The following DNAI7 variants were observed in gnomAD, a reference collection of about 807,000 sequenced individuals.
The protein encoded by DNAI7 is dynein axonemal intermediate chain 7.
In DNAI7, 78 loss-of-function variants were observed where a neutral mutation model predicts 86.6. That is an observed-to-expected ratio of 0.90 (90% CI 0.75 to 1.09). The LOEUF is 1.09. Among genes scored for constraint, DNAI7 ranks in the 50% least tolerant of loss-of-function variants. The pLI is 0.00. For synonymous variants in DNAI7, 274 were observed against 273.0 expected (o/e 1.00, Z -0.04); for missense variants, 753 against 810.2 (o/e 0.93, Z 0.86).
intron 2 of DNAI7, among the ~76,000 whole-genome samples, chr12:25,184,436 T>G (rs915912168): frequency 1.3e-5 from 2 of 152,352 alleles, no homozygotes; most frequent in East Asian, 3.9e-4. Flanking sequence ...TCATCCATGC[T>G]ATATCATGCA....
intron 6 of DNAI7, among the ~76,000 whole-genome samples, chr12:25,150,856 GAGA>G (rs1158615009): frequency 6.6e-6 from 1 of 152,130 alleles, no homozygotes; most frequent in Non-Finnish European, 1.5e-5. Context: ...CAACAATCAG[GAGA>G]AGGAGATGGA....
chr12:25,153,633 A>G (rs1272746813), intron 6 of DNAI7, among the ~76,000 whole-genome samples: 6 of 152,158 alleles, frequency 3.9e-5, no homozygotes. Flanking sequence ...TTGCCTCCTG[A>G]TGGCCCTTTG....
At chr12:25,115,859 A>C (rs1487983461) in intron 12 of DNAI7, among the ~76,000 whole-genome samples, 1 of 152,208 alleles carries the variant, frequency 6.6e-6, no homozygotes, top group Non-Finnish European at 1.5e-5. Flanking sequence ...CTTGCATGCA[A>C]ACATTCTCTT....
At chr12:25,156,490 C>T (rs1249000545) in intron 4 of DNAI7, among the ~76,000 whole-genome samples, 4 of 152,158 alleles carry the variant, frequency 2.6e-5, no homozygotes, top group African/African-American at 7.2e-5. Context: ...CGTGGTGGCT[C>T]ACATCTGTAA....
intron 11 of DNAI7, among the ~76,000 whole-genome samples, chr12:25,120,561 A>C (rs572619328): frequency 5.5e-4 from 40 of 72,760 alleles, no homozygotes; most frequent in Middle Eastern, 0.015. Context: ...TCTCTACTAA[A>C]AATACAAAAA....
chr12:25,109,234 C>CTTGT (rs1226770496), intron 15 of DNAI7, among the ~76,000 whole-genome samples: 1 of 152,126 alleles, frequency 6.6e-6, no homozygotes, highest in Non-Finnish European at 1.5e-5. Context: ...AATACAGTGG[C>CTTGT]TTGTTTAGGC....
chr12:25,109,997 A>G, intron 15 of DNAI7, 130 bp downstream of exon 15: 1 of 600,262 alleles, frequency 1.7e-6, no homozygotes, highest in Non-Finnish European at 2.9e-6. Context: ...AAATTTTAAA[A>G]TTCCGTATTG....
chr12:25,128,250 TA>T (rs1379263852), intron 9 of DNAI7, among the ~76,000 whole-genome samples: 6 of 152,230 alleles, frequency 3.9e-5, no homozygotes, highest in African/African-American at 1.4e-4. Context: ...CATCAAAAGA[TA>T]ATTTAAATTT....
In DNAI7 at chr12:25,111,906, TTA is replaced by T; in HGVS notation, c.1643_1644del (p.Leu548GlnfsTer34). 6.3e-7 allele frequency: 1 copy of T among 1,599,696 alleles called. No individual in the cohort carries two copies. Among genetic ancestry groups the T allele is most frequent in the Non-Finnish European group, 8.5e-7 (1 of 1,174,260 alleles). ...ENLCMLSSIK[L>X]KDKKHISILE... ...AAAATAGAGATGTGTTTCTTGTCTT[TTA>T]GTTTGATTGAAGATAACATGCAGAG... On this transcript the variant is annotated frameshift_variant, in exon 14 of 16. Transcript: ENST00000395987. LOFTEE classifies it high-confidence loss of function.
intron 2 of DNAI7, among the ~76,000 whole-genome samples, chr12:25,182,971 G>GA (rs970735789): frequency 6.0e-5 from 9 of 149,238 alleles, no homozygotes; most frequent in African/African-American, 2.0e-4. Context: ...GGGAGGAAGG[G>GA]AGGAAGGGAA....
chr12:25,175,343 A>C (rs1948838068), intron 2 of DNAI7, among the ~76,000 whole-genome samples: 1 of 152,010 alleles, frequency 6.6e-6, no homozygotes, highest in Admixed American at 6.6e-5. Flanking sequence ...TTCCCATTGC[A>C]GTGGATGAAC....
At chr12:25,178,572 A>T (rs1949195800) in intron 2 of DNAI7, among the ~76,000 whole-genome samples, 1 of 152,188 alleles carries the variant, frequency 6.6e-6, no homozygotes, top group Non-Finnish European at 1.5e-5. Flanking sequence ...TGTGCCTCTT[A>T]TTTGAGATAT....
intron 2 of DNAI7, among the ~76,000 whole-genome samples, chr12:25,174,776 C>T (rs561405255): frequency 4.2e-5 from 6 of 141,806 alleles, no homozygotes; most frequent in South Asian, 2.2e-4. Context: ...GAATACTACA[C>T]GGCCATAAAA....
At chr12:25,142,793 G>A (rs1280500417) in intron 9 of DNAI7, among the ~76,000 whole-genome samples, 1 of 152,128 alleles carries the variant, frequency 6.6e-6, no homozygotes, top group African/African-American at 2.4e-5. Context: ...TTGAAACAAT[G>A]TTAAGTCCAA....
intron 11 of DNAI7, 127 bp downstream of exon 11, chr12:25,121,626 T>C: frequency 1.4e-6 from 1 of 719,472 alleles, no homozygotes; most frequent in Non-Finnish European, 2.2e-6. Context: ...TTTAAGACAG[T>C]TTAAAATTAC....
intron 2 of DNAI7, among the ~76,000 whole-genome samples, chr12:25,161,783 G>A (rs991855423): frequency 3.3e-5 from 5 of 152,118 alleles, no homozygotes; most frequent in African/African-American, 9.7e-5. Flanking sequence ...AGCATTGGAT[G>A]GACAACAAGT....
chr12:25,113,177 C>A (rs1174148314), intron 13 of DNAI7, among the ~76,000 whole-genome samples: 1 of 152,148 alleles, frequency 6.6e-6, no homozygotes, highest in Non-Finnish European at 1.5e-5. Context: ...TAGTTTCTCT[C>A]TATATACAAC....
chr12:25,164,814 C>G (rs887402684), intron 2 of DNAI7, among the ~76,000 whole-genome samples: 1 of 152,030 alleles, frequency 6.6e-6, no homozygotes, highest in Admixed American at 6.6e-5. Context: ...CCCCTCCTCA[C>G]CAGGCCGAGC....
intron 14 of DNAI7, 27 bp from the exon 15 acceptor site, chr12:25,110,267 GA>G (rs1949706262): frequency 4.6e-6 from 6 of 1,306,012 alleles, no homozygotes; most frequent in Non-Finnish European, 6.7e-6. Context: ...AAATAGAATT[GA>G]TCTTTGAGCC....
Sources: gnomAD v4.1 joint callset for allele counts (sites outside exome capture counted in the v4.1 genomes callset) on GRCh38, gnomAD v4.1.1 for gene constraint, MANE v1.5 for transcripts, NCBI Gene and HGNC (gene_info 2026-07-23, HGNC 2026-07-21) for gene names.